ACOT6: variants seen among roughly 807,000 people sequenced by gnomAD.
ACOT6 encodes acyl-CoA thioesterase 6, also known as acyl-coenzyme A thioesterase 6.
A neutral mutation model predicts 12.3 loss-of-function variants in ACOT6; 14 were observed. That is an observed-to-expected ratio of 1.14 (90% CI 0.75 to 1.78). The LOEUF is 1.78. Ranked by LOEUF, ACOT6 falls within the 40% of genes most tolerant of loss-of-function variation. The pLI is 0.00. For missense variants in ACOT6, 523 were observed against 551.8 expected, an observed-to-expected ratio of 0.95 and a Z score of 0.52; for synonymous variants, 218 against 231.3, an observed-to-expected ratio of 0.94 and a Z score of 0.52.
In ACOT6 at chr14:73,612,808, GC is replaced by G; in HGVS notation, c.238del (p.Leu80CysfsTer15). 1 of 1,418,174 alleles carries G rather than the reference GC, an allele frequency of 7.1e-7. No homozygotes were observed. The highest frequency in any genetic ancestry group is 1.5e-5 in the African/African-American group (1 of 67,068). The allele number at this position is 1,418,174 out of a possible 1,614,324, so 87.8% of individuals were successfully genotyped here. On this transcript the variant is annotated frameshift_variant, in exon 1 of 3. Transcript: ENST00000645972. LOFTEE classifies it high-confidence loss of function. ...GCTTCGCGGGGCTCCAGCCCATGGG[GC>G]TGCTGTGGGCGTTGGAGCCCGAGAA... is the stretch of plus-strand genomic sequence containing the variant. ...GSFAGLQPMG[L>X]LWALEPEKAL...
Position 73,619,474 on chromosome 14 carries a change from G to A in ACOT6, c.901G>A (p.Glu301Lys), listed in dbSNP as rs1259287184. 6.2e-7 allele frequency: 1 copy of A among 1,614,090 alleles called. No individual in the cohort carries two copies. Among genetic ancestry groups the A allele is most frequent in the Non-Finnish European group, 8.5e-7 (1 of 1,180,046 alleles). Residue 301 changes from glutamate to lysine, a missense_variant, in exon 3 of 3, where the codon GAG becomes AAG. By Grantham distance (56) the Glu-to-Lys change is moderately conservative. Coordinates refer to ENST00000645972, the MANE Select transcript of ACOT6 (RefSeq NM_001365788.1). ...TFMDTWSNPL[E>K]EHNHQSLVPL... ...TATGGACACTTGGAGCAATCCACTG[G>A]AGGAACACAATCACCAAAGTCTTGT...
intron 1 of ACOT6, among the ~76,000 whole-genome samples, chr14:73,616,111 C>T (rs975532326): frequency 6.6e-6 from 1 of 151,984 alleles, no homozygotes; most frequent in African/African-American, 2.4e-5. Flanking sequence ...AGACTATAGG[C>T]AAGTGCCATC....
At chr14:73,615,397 A>C (rs1007041027) in intron 1 of ACOT6, among the ~76,000 whole-genome samples, 3 of 141,600 alleles carry the variant, frequency 2.1e-5, no homozygotes, top group African/African-American at 5.3e-5. Context: ...ATAAAAAAAA[A>C]AAAAAAAAAA....
Position 73,619,405 on chromosome 14 carries a change from G to C in ACOT6, c.832G>C (p.Asp278His), listed in dbSNP as rs1890593127. 3 of 1,614,130 alleles carry C rather than the reference G, an allele frequency of 1.9e-6. No homozygotes were observed. Among genetic ancestry groups the C allele is most frequent in the South Asian group, 1.1e-5 (1 of 91,070 alleles). Residue 278 changes from aspartate to histidine, a missense_variant, in exon 3 of 3, where the codon GAT (aspartate) becomes CAT (histidine). By Grantham distance (81) the Asp-to-His change is moderately conservative. This residue lies in a region of ACOT6 where 219 missense variants were observed against 277.0 expected (regional missense o/e 0.79). Coordinates refer to ENST00000645972, the MANE Select transcript of ACOT6 (RefSeq NM_001365788.1). ...TATGATTATTCCTAAACTTGTCGAT[G>C]ATCTAGGAAAAGTAAAAATCACTAA... ...KDMIIPKLVD[D>H]LGKVKITKSG...
chr14:73,615,031 G>A (rs1252286525), intron 1 of ACOT6, among the ~76,000 whole-genome samples: 1 of 148,932 alleles, frequency 6.7e-6, no homozygotes, highest in South Asian at 2.1e-4. Flanking sequence ...AGAGGTTGCA[G>A]TGAGCCAAGA....
rs933721856 is a variant in ACOT6, at chr14:73,612,611, T to C, written c.40T>C (p.Cys14Arg). The C allele has an allele frequency of 1.4e-6, 2 of 1,419,686 alleles. No individual in the cohort carries two copies. Among genetic ancestry groups the C allele is most frequent in the Non-Finnish European group, 1.8e-6 (2 of 1,082,332 alleles). The allele number at this position is 1,419,686 out of a possible 1,614,324, so 87.9% of individuals were successfully genotyped here. ...TLILEPAGRC[C>R]WDEPLRIAVR... ...GATCCTGGAGCCCGCGGGCCGCTGC[T>C]GCTGGGACGAGCCGCTGCGCATCGC... The change falls in exon 1 of 3, where the codon TGC becomes CGC. Residue 14 changes from cysteine to arginine, a missense_variant. Physicochemically the swap from Cys to Arg is radical, Grantham distance 180. Coordinates refer to ENST00000645972, the MANE Select transcript of ACOT6 (RefSeq NM_001365788.1).
chr14:73,614,026 C>CAA (rs59411143), intron 1 of ACOT6, among the ~76,000 whole-genome samples: 4,647 of 92,604 alleles, frequency 0.05, 203 homozygotes, highest in South Asian at 0.096. Flanking sequence ...TCTGTCTCTA[C>CAA]AAAAAAAAAA....
intron 1 of ACOT6, among the ~76,000 whole-genome samples, chr14:73,614,048 A>AAAAAC (rs1566870202): frequency 2.8e-5 from 4 of 143,844 alleles, no homozygotes; most frequent in African/African-American, 1.0e-4. Flanking sequence ...AAAAAAAAAA[A>AAAAAC]AAATTAGGCA....
At chr14:73,613,862 T>G (rs932938088) in intron 1 of ACOT6, among the ~76,000 whole-genome samples, 2 of 152,018 alleles carry the variant, frequency 1.3e-5, no homozygotes, top group African/African-American at 4.8e-5. Context: ...GATTAATCCC[T>G]TCTAACTAAA....
At chr14:73,616,422 G>T (rs1890542151) in intron 1 of ACOT6, among the ~76,000 whole-genome samples, 2 of 152,106 alleles carry the variant, frequency 1.3e-5, no homozygotes. Flanking sequence ...GCCGGTTGCG[G>T]TGGCTCACAC....
chr14:73,617,244 AG>A (rs1890556487), intron 2 of ACOT6, 52 bp downstream of exon 2: 1 of 1,612,132 alleles, frequency 6.2e-7, no homozygotes, highest in Non-Finnish European at 8.5e-7. Flanking sequence ...GAGCTGATGC[AG>A]GGCTGAATCC....
At position 73,619,398 on chromosome 14, in the gene ACOT6, T is replaced by G. The variant is rs144632357; in HGVS notation, c.825T>G (p.Leu275=). ...LHYKDMIIPK[L]VDDLGKVKIT... is the part of the protein sequence containing the mutation. ...ACAAGGATATGATTATTCCTAAACTTGTCGATGATCTAGGAAAAGTAAAAA... is the reference window on the plus strand; with the variant it reads ...ACAAGGATATGATTATTCCTAAACTGGTCGATGATCTAGGAAAAGTAAAAA... Residue 275 remains leucine, a synonymous_variant, in exon 3 of 3, where the codon CTT becomes CTG. Transcript: ENST00000645972. The G allele has an allele frequency of 5.3e-4, 852 of 1,614,070 alleles. No individual in the cohort carries two copies. Among genetic ancestry groups the G allele is most frequent in the Non-Finnish European group, 6.8e-4 (801 of 1,180,048 alleles).
intron 1 of ACOT6, among the ~76,000 whole-genome samples, chr14:73,615,927 T>C (rs1890529995): frequency 6.6e-6 from 1 of 152,026 alleles, no homozygotes; most frequent in Admixed American, 6.6e-5. Context: ...TAGCCAAGCA[T>C]AGGGGCCTAG....
intron 2 of ACOT6, among the ~76,000 whole-genome samples, chr14:73,617,935 A>C (rs1890568172): frequency 6.6e-6 from 1 of 151,696 alleles, no homozygotes; most frequent in African/African-American, 2.4e-5. Context: ...ACCTGAGGTC[A>C]GGAGTTTGAG....
chr14:73,615,733 CAACAAACA>C (rs60768399), intron 1 of ACOT6, among the ~76,000 whole-genome samples: 288 of 150,458 alleles, frequency 1.9e-3, no homozygotes, highest in Admixed American at 3.8e-3. Flanking sequence ...AACCTTGTCT[CAACAAACA>C]AACAAACAAA....
chr14:73,617,898 A>T (rs958754519), intron 2 of ACOT6, among the ~76,000 whole-genome samples: 13 of 116,798 alleles, frequency 1.1e-4, no homozygotes, highest in African/African-American at 4.4e-4. Context: ...TAATCCCAGT[A>T]CTTTGGGAGG....
intron 1 of ACOT6, among the ~76,000 whole-genome samples, 180 bp downstream of exon 1, chr14:73,613,212 A>T (rs776208407): frequency 3.9e-5 from 6 of 152,132 alleles, no homozygotes; most frequent in Non-Finnish European, 5.9e-5. Flanking sequence ...ATCGTAGCTC[A>T]CACTGCAGCC....
Position 73,612,766 on chromosome 14 carries a change from G to A in ACOT6, c.195G>A (p.Ala65=). The change falls in exon 1 of 3, where the codon GCG becomes GCA. Residue 65 remains alanine (A), a synonymous_variant. Transcript: ENST00000645972. ...DARDELDLER[A]PALGGSFAGL... is the part of the protein sequence containing the mutation. ...GCGACGAGCTGGACCTGGAGCGCGCGCCCGCGCTGGGAGGCAGCTTCGCGG... is the reference window on the plus strand; with the variant it reads ...GCGACGAGCTGGACCTGGAGCGCGCACCCGCGCTGGGAGGCAGCTTCGCGG... 1 of 1,370,878 alleles carries A rather than the reference G, an allele frequency of 7.3e-7. No homozygotes were observed. The highest frequency in any genetic ancestry group is 9.3e-7 in the Non-Finnish European group (1 of 1,069,660). The allele number at this position is 1,370,878 out of a possible 1,614,324, so 84.9% of individuals were successfully genotyped here.
At chr14:73,612,348 G>A, upstream of ACOT6, 2 of 409,984 alleles carry the variant, frequency 4.9e-6, no homozygotes, top group Non-Finnish European at 4.2e-6. Flanking sequence ...GGCCGGATTG[G>A]TCATTAACTC....
Sources: gnomAD v4.1 joint callset for allele counts (sites outside exome capture counted in the v4.1 genomes callset) on GRCh38, gnomAD v4.1.1 for gene constraint, gnomAD v4.1.1 regional missense constraint, MANE v1.5 for transcripts, NCBI Gene and HGNC (gene_info 2026-07-23, HGNC 2026-07-21) for gene names.